Variants in CAMTA1 observed in about 807,000 individuals in gnomAD.
The protein encoded by CAMTA1 is calmodulin-binding transcription activator 1.
Under a neutral mutation model 170.9 loss-of-function variants are expected in CAMTA1, and 27 were observed. The ratio of observed to expected loss-of-function variants is 0.16; its 90% CI spans 0.12 to 0.22. CAMTA1 has a LOEUF of 0.22. Among genes scored for constraint, CAMTA1 ranks in the 10% least tolerant of loss-of-function variants. The pLI, the probability that CAMTA1 is intolerant of heterozygous loss-of-function variation, is 1.00. For missense variants in CAMTA1, 1,619 were observed against 2,217.2 expected (o/e 0.73, Z 5.42); for synonymous variants, 833 against 891.5 (o/e 0.93, Z 1.17).
chr1:7,581,210 T>C (rs1011746322), intron 6 of CAMTA1, among the ~76,000 whole-genome samples: 2 of 152,170 alleles, frequency 1.3e-5, no homozygotes, highest in Non-Finnish European at 2.9e-5. Flanking sequence ...AGCCCCAAGA[T>C]AGGAAGTTTG....
chr1:7,107,861 C>G (rs1482423230), intron 4 of CAMTA1, among the ~76,000 whole-genome samples: 1 of 152,242 alleles, frequency 6.6e-6, no homozygotes, highest in Non-Finnish European at 1.5e-5. Context: ...CTGCACCCAT[C>G]AAGCTAATGG....
intron 4 of CAMTA1, among the ~76,000 whole-genome samples, chr1:7,165,952 A>G (rs1648318111): frequency 6.6e-6 from 1 of 152,230 alleles, no homozygotes; most frequent in Admixed American, 6.5e-5. Flanking sequence ...TATGTATATC[A>G]TAACAAGACA....
intron 5 of CAMTA1, among the ~76,000 whole-genome samples, chr1:7,260,899 T>C (rs1489732620): frequency 6.6e-6 from 1 of 152,250 alleles, no homozygotes; most frequent in African/African-American, 2.4e-5. Context: ...GTAAGAAATG[T>C]TGACTCTTCA....
intron 4 of CAMTA1, among the ~76,000 whole-genome samples, chr1:7,203,480 T>C (rs74517198): frequency 0.048 from 6,250 of 129,718 alleles, 388 homozygotes; most frequent in African/African-American, 0.16. Context: ...GGGTTTTTCC[T>C]TGTGGGTAGT....
chr1:7,735,948 T>C (rs2096769034), intron 12 of CAMTA1, among the ~76,000 whole-genome samples: 1 of 151,962 alleles, frequency 6.6e-6, no homozygotes, highest in Admixed American at 6.6e-5. Flanking sequence ...AATTTTTGTA[T>C]TTTTAGTAGA....
intron 11 of CAMTA1, among the ~76,000 whole-genome samples, chr1:7,692,583 T>G (rs115101952): frequency 3.9e-5 from 6 of 152,114 alleles, no homozygotes; most frequent in Non-Finnish European, 8.8e-5. Context: ...AACCTCCCTA[T>G]GCACAGGAAT....
At chr1:6,923,195 G>A (rs1285711355) in intron 3 of CAMTA1, among the ~76,000 whole-genome samples, 2 of 152,144 alleles carry the variant, frequency 1.3e-5, no homozygotes, top group Non-Finnish European at 2.9e-5. Flanking sequence ...CGCTTGCTGT[G>A]TGCATAGATA....
chr1:6,944,929 A>G (rs945010692), intron 3 of CAMTA1, among the ~76,000 whole-genome samples: 19 of 152,230 alleles, frequency 1.2e-4, no homozygotes, highest in African/African-American at 4.6e-4. Flanking sequence ...TAGGTGTAGT[A>G]AATGCATTTC....
chr1:7,417,534 T>C (rs1294753579), intron 5 of CAMTA1, among the ~76,000 whole-genome samples: 1 of 152,216 alleles, frequency 6.6e-6, no homozygotes, highest in Non-Finnish European at 1.5e-5. Context: ...ACTGCTGTGC[T>C]AGCAATCAGC....
intron 3 of CAMTA1, among the ~76,000 whole-genome samples, chr1:7,057,911 T>C (rs918335162): frequency 1.3e-5 from 2 of 152,196 alleles, no homozygotes; most frequent in Non-Finnish European, 2.9e-5. Context: ...CCCCCTTCTC[T>C]GGACCCCCAG....
chr1:6,952,928 C>T (rs1165237549), intron 3 of CAMTA1, among the ~76,000 whole-genome samples: 3 of 152,136 alleles, frequency 2.0e-5, no homozygotes, highest in East Asian at 3.9e-4. Flanking sequence ...AGGGATCCCC[C>T]GGATCTCATC....
At chr1:7,608,182 G>T (rs1274663248) in intron 6 of CAMTA1, among the ~76,000 whole-genome samples, 1 of 152,204 alleles carries the variant, frequency 6.6e-6, no homozygotes, top group South Asian at 2.1e-4. Flanking sequence ...CCGCTCCTCT[G>T]ACTGAGCTCT....
chr1:6,873,595 TAA>T (rs1669011666), intron 3 of CAMTA1, among the ~76,000 whole-genome samples: 1 of 152,246 alleles, frequency 6.6e-6, no homozygotes, highest in African/African-American at 2.4e-5. Context: ...ACTTTATTTG[TAA>T]GTCCAGTAGC....
At chr1:6,879,014 A>C (rs1368776017) in intron 3 of CAMTA1, among the ~76,000 whole-genome samples, 1 of 152,218 alleles carries the variant, frequency 6.6e-6, no homozygotes, top group Non-Finnish European at 1.5e-5. Flanking sequence ...TTTAGTTTAG[A>C]GGCTAGGAGA....
At chr1:6,888,723 A>G (rs1054396752) in intron 3 of CAMTA1, among the ~76,000 whole-genome samples, 1 of 152,274 alleles carries the variant, frequency 6.6e-6, no homozygotes, top group African/African-American at 2.4e-5. Context: ...ATACCTCCAC[A>G]GATGCCATGG....
At chr1:6,854,479 T>C (rs1195678261) in intron 3 of CAMTA1, among the ~76,000 whole-genome samples, 1 of 152,178 alleles carries the variant, frequency 6.6e-6, no homozygotes, top group Non-Finnish European at 1.5e-5. Flanking sequence ...TCTCAGAATG[T>C]ATCCCTGTTG....
Position 7,664,901 on chromosome 1 carries a change from G to C in CAMTA1, c.2354G>C (p.Gly785Ala). ...DLINDFISVE[G>A]GSSTIYGHQL... is the part of the protein sequence containing the mutation. ...ATCAACGACTTCATCTCCGTGGAGG[G>C]GGGCAGCAGCACCATCTATGGGCAC... The change falls in exon 9 of 23, where the codon GGG becomes GCG. Residue 785 changes from glycine (G) to alanine (A), a missense_variant. Coordinates refer to ENST00000303635, the MANE Select transcript of CAMTA1 (RefSeq NM_015215.4). 4.3e-6 allele frequency: 7 copies of C among 1,613,250 alleles called. No homozygotes were observed. The highest frequency in any genetic ancestry group is 2.2e-5 in the East Asian group (1 of 44,872).
In CAMTA1 at chr1:7,736,221, C is replaced by A; in HGVS notation, c.3067-123C>A. ...TGCCCAGCCAATGTTTCTTTATTTT[C>A]AGTGTTTTATGTTTTCCGTTGTGAG... is the stretch of plus-strand genomic sequence containing the variant. On this transcript the variant is annotated intron_variant, in intron 12 of 22. Transcript: ENST00000303635. This position sits in a 1 kb window ranked among gnomAD's most constrained non-coding sequence, Gnocchi z 4.5. The A allele has an allele frequency of 2.4e-6, 2 of 841,426 alleles. No individual in the cohort carries two copies. The highest frequency in any genetic ancestry group is 3.7e-6 in the Non-Finnish European group (2 of 539,564). The allele number at this position is 841,426 out of a possible 1,614,324, so 52.1% of individuals were successfully genotyped here. A position where few individuals can be genotyped will look rare whatever the true frequency, so the allele number is the denominator to read the frequency against.
chr1:7,284,318 C>T (rs1672034483), intron 5 of CAMTA1, among the ~76,000 whole-genome samples: 1 of 151,848 alleles, frequency 6.6e-6, no homozygotes, highest in East Asian at 1.9e-4. Context: ...ATTCTCCTGC[C>T]TCAGCCTCCC....
Sources: allele counts gnomAD v4.1 joint callset (sites outside exome capture counted in the v4.1 genomes callset), GRCh38; gene constraint gnomAD v4.1.1; non-coding constraint Gnocchi (gnomAD v3.1); transcripts MANE v1.5; gene names NCBI Gene and HGNC (gene_info 2026-07-23, HGNC 2026-07-21).